TEAD3: variants seen among roughly 807,000 people sequenced by gnomAD.
TEAD3 encodes the protein TEA domain transcription factor 3.
Under a neutral mutation model 55.6 loss-of-function variants are expected in TEAD3, and 15 were observed. That is an observed-to-expected ratio of 0.27 (90% CI 0.18 to 0.42). The LOEUF is 0.42. Among genes scored for constraint, TEAD3 ranks in the 10% least tolerant of loss-of-function variants. The pLI, the probability that TEAD3 is intolerant of heterozygous loss-of-function variation, is 1.00. For synonymous variants in TEAD3, 210 were observed against 232.2 expected, an observed-to-expected ratio of 0.90 and a Z score of 0.87; for missense variants, 407 against 576.8, an observed-to-expected ratio of 0.71 and a Z score of 3.01.
chr6:35,474,861 CAATT>C, downstream of TEAD3: 2 of 584,428 alleles, frequency 3.4e-6, no homozygotes, highest in Non-Finnish European at 6.0e-6. Context: ...TCTTCTCCCA[CAATT>C]AAAGCGCAGA....
chr6:35,486,335 C>A lies in TEAD3; in HGVS notation c.202+126G>T. On this transcript the variant is annotated intron_variant, in intron 2 of 12. Transcript: ENST00000639578. This position sits in a 1 kb window ranked among gnomAD's most constrained non-coding sequence, Gnocchi z 7.3. ...GAGCGCGGAGGAGGATCCAGACACA[C>A]AGGCTTGCGCGCCCAGACTCGCCCG... The A allele has an allele frequency of 8.7e-7, 1 of 1,151,204 alleles. No homozygotes were observed. The highest frequency in any genetic ancestry group is 1.2e-6 in the Non-Finnish European group (1 of 825,768). The allele number at this position is 1,151,204 out of a possible 1,614,324, so 71.3% of individuals were successfully genotyped here.
chr6:35,474,957 C>T, exon 13 of TEAD3: 1 of 1,195,252 alleles, frequency 8.4e-7, no homozygotes, highest in South Asian at 1.6e-5. Context: ...GTAGATGAAT[C>T]CTCAATCCTG....
Position 35,475,947 on chromosome 6 carries a change from G to A in TEAD3, c.872C>T (p.Pro291Leu), listed in dbSNP as rs779966083. ...GAACTTGACAAGGAAGAAGGCATTA[G>A]GGGGCCCCTTCTCATAGAGCTCCTT... Residue 291 changes from proline (P) to leucine (L), a missense_variant, in exon 10 of 13, where the codon CCT becomes CTT. Coordinates refer to ENST00000639578, the Ensembl canonical transcript of TEAD3. This position sits in a 1 kb window ranked among gnomAD's most constrained non-coding sequence, Gnocchi z 5.4. The A allele has an allele frequency of 1.9e-6, 3 of 1,545,366 alleles. No individual in the cohort carries two copies. Among genetic ancestry groups the A allele is most frequent in the African/African-American group, 2.8e-5 (2 of 72,356 alleles).
rs1365047164 is a variant in TEAD3 at position 35,485,371 on chromosome 6, G to A, written c.203-747C>T. On this transcript the variant is annotated intron_variant, in intron 2 of 12. Transcript: ENST00000639578. The surrounding 1 kb of genome is among the most constrained non-coding windows in gnomAD (Gnocchi z 4.3). The stretch of plus-strand genomic sequence containing the variant: ...CCACAGACCCTCTGAGGGCCCAAAA[G>A]CTGCCAGTGTCCAGGGACTTGGGCC... Among the ~76,000 whole-genome samples the A allele has an allele frequency of 6.6e-6, 1 of 152,110 alleles. No individual in the cohort carries two copies. Among genetic ancestry groups the A allele is most frequent in the Admixed American group, 6.5e-5 (1 of 15,280 alleles).
intron 7 of TEAD3, 137 bp downstream of exon 7, chr6:35,478,138 T>C: frequency 3.7e-6 from 4 of 1,066,870 alleles, no homozygotes; most frequent in Non-Finnish European, 5.5e-6. Context: ...ATTACAGGTG[T>C]GAGCCACCAC....
At chr6:35,489,293 G>A (rs886567029) in intron 1 of TEAD3, among the ~76,000 whole-genome samples, 4 of 152,144 alleles carry the variant, frequency 2.6e-5, no homozygotes, top group Non-Finnish European at 5.9e-5. Flanking sequence ...AAACAGAGAA[G>A]TTAAGCAACT....
chr6:35,478,656 G>C (rs1240463557), intron 5 of TEAD3, 85 bp from the exon 6 acceptor site: 2 of 1,474,762 alleles, frequency 1.4e-6, no homozygotes, highest in East Asian at 2.5e-5. Flanking sequence ...CCCCAGCAGA[G>C]TCCAAAGCAC....
chr6:35,480,491 T>G, intron 3 of TEAD3, 117 bp from the exon 4 acceptor site: 1 of 1,025,924 alleles, frequency 9.7e-7, no homozygotes, highest in South Asian at 1.4e-5. Context: ...GAACTACATG[T>G]AAATGGGGGG....
rs764896812 is a variant in TEAD3 at position 35,488,762 on chromosome 6, C to T, written c.-49-2051G>A. Among the ~76,000 whole-genome samples the T allele has an allele frequency of 7.9e-5, 12 of 152,032 alleles. No individual in the cohort carries two copies. Among genetic ancestry groups the T allele is most frequent in the African/African-American group, 1.4e-4 (6 of 41,382 alleles). ...TTTTTTAGACGGAGTCTTGCTCTGT[C>T]GCCCAGGCTAGAGTGCAATGGCGCG... On this transcript the variant is annotated intron_variant, in intron 1 of 12. Transcript: ENST00000639578. The surrounding 1 kb of genome is among the most constrained non-coding windows in gnomAD (Gnocchi z 4.2).
At position 35,475,009 on chromosome 6, in the gene TEAD3, T is replaced by G; in HGVS notation, c.*35A>C. On this transcript the variant is annotated 3_prime_UTR_variant, in exon 13 of 13. Transcript: ENST00000639578. This position sits in a 1 kb window ranked among gnomAD's most constrained non-coding sequence, Gnocchi z 5.4. ...CCAGGCAGGTGTGGAGAGGAGATGC[T>G]CACCCTGCATCCTTAAGGAGGCGCA... 6.8e-7 allele frequency: 1 copy of G among 1,480,162 alleles called. No homozygotes were observed. Among genetic ancestry groups the G allele is most frequent in the Admixed American group, 2.2e-5 (1 of 46,138 alleles). The allele number at this position is 1,480,162 out of a possible 1,614,324, so 91.7% of individuals were successfully genotyped here.
In TEAD3 at chr6:35,476,423, A is replaced by G. The variant is rs746085259; in HGVS notation, c.605T>C (p.Leu202Pro). The G allele has an allele frequency of 1.4e-5, 22 of 1,612,976 alleles. No homozygotes were observed. In the East Asian group the frequency reaches 3.6e-4, roughly 26 times the overall value. Reference sequence around the variant, plus strand: ...GGCAGCAGCTGAGGGGAGCGGGGCCAGGGGCTCATAACCTGGGAGGGCGAG... The same window carrying G: ...GGCAGCAGCTGAGGGGAGCGGGGCCGGGGGCTCATAACCTGGGAGGGCGAG... The change falls in exon 9 of 13, where the codon CTG (leucine) becomes CCG (proline). Residue 202 changes from leucine to proline, a missense_variant. Coordinates refer to ENST00000639578, the Ensembl canonical transcript of TEAD3.
chr6:35,490,604 G>A (rs1001747722), intron 1 of TEAD3, among the ~76,000 whole-genome samples: 6 of 152,210 alleles, frequency 3.9e-5, no homozygotes, highest in Non-Finnish European at 4.4e-5. Flanking sequence ...ATGGGCAGTC[G>A]TGGGCAGGCA....
At chr6:35,476,214 C>T in intron 9 of TEAD3, 88 bp downstream of exon 9, 2 of 1,558,458 alleles carry the variant, frequency 1.3e-6, no homozygotes, top group South Asian at 1.2e-5. Flanking sequence ...AGACCCCCAA[C>T]CCCCAGATCC....
At chr6:35,490,297 G>A (rs1005169724) in intron 1 of TEAD3, among the ~76,000 whole-genome samples, 2 of 152,190 alleles carry the variant, frequency 1.3e-5, no homozygotes, top group Non-Finnish European at 2.9e-5. Context: ...GACTGGGGGG[G>A]CGGGGCAGGC....
rs1768519228 is a variant in TEAD3 at position 35,491,512 on chromosome 6, C to A, written c.-49-4801G>T. ...GGGAGGCCACTGCCAGGGGCTGGGG[C>A]TGGCCACCATCCAGGACACCCCCAC... On this transcript the variant is annotated intron_variant, in intron 1 of 12. Transcript: ENST00000639578. The surrounding 1 kb of genome is among the most constrained non-coding windows in gnomAD (Gnocchi z 4.4). Among the ~76,000 whole-genome samples the A allele has an allele frequency of 6.6e-6, 1 of 152,112 alleles. No homozygotes were observed. Among genetic ancestry groups the A allele is most frequent in the African/African-American group, 2.4e-5 (1 of 41,418 alleles).
intron 1 of TEAD3, among the ~76,000 whole-genome samples, chr6:35,489,784 C>T (rs1240021364): frequency 6.6e-6 from 1 of 152,012 alleles, no homozygotes; most frequent in Non-Finnish European, 1.5e-5. Context: ...TGGTGGCTCA[C>T]GACTATAATC....
downstream of TEAD3, chr6:35,473,749 T>C (rs1264912425): frequency 9.4e-5 from 14 of 149,034 alleles, no homozygotes; most frequent in Non-Finnish European, 8.9e-5. Flanking sequence ...CAAAAAAATA[T>C]ATAATATACA....
Position 35,477,388 on chromosome 6 carries a change from C to A in TEAD3, c.531-16G>T, listed in dbSNP as rs1035453024. The stretch of plus-strand genomic sequence containing the variant: ...GGGCTTGATGCTGCAGACAGGAGCA[C>A]AGCCTGGTGAGAGGGTTCCCTCTTC... On this transcript the variant is annotated splice_polypyrimidine_tract_variant and intron_variant, in intron 7 of 12. Coordinates refer to ENST00000639578, the Ensembl canonical transcript of TEAD3. 6 of 1,598,158 alleles carry A rather than the reference C, an allele frequency of 3.8e-6. No homozygotes were observed. Among genetic ancestry groups the A allele is most frequent in the Non-Finnish European group, 5.1e-6 (6 of 1,178,948 alleles).
At chr6:35,480,961 T>G (rs1281506871) in intron 3 of TEAD3, among the ~76,000 whole-genome samples, 1 of 152,104 alleles carries the variant, frequency 6.6e-6, no homozygotes, top group East Asian at 1.9e-4. Context: ...GGCCACATCC[T>G]CTACCAGGGA....
Sources: gnomAD v4.1 joint callset for allele counts (sites outside exome capture counted in the v4.1 genomes callset) on GRCh38, gnomAD v4.1.1 for gene constraint, Gnocchi (gnomAD v3.1) non-coding constraint, MANE v1.5 for transcripts, NCBI Gene and HGNC (gene_info 2026-07-23, HGNC 2026-07-21) for gene names.